ANK1: variants seen among roughly 807,000 people sequenced by gnomAD.
The protein encoded by ANK1 is ankyrin 1.
In ANK1, 51 loss-of-function variants were observed where a neutral mutation model predicts 210.4. That is an observed-to-expected ratio of 0.24 (90% CI 0.19 to 0.31). The LOEUF is 0.31. ANK1 is among the 10% of genes least tolerant of loss of function. The pLI, the probability that ANK1 is intolerant of heterozygous loss-of-function variation, is 1.00. For synonymous variants in ANK1, 967 were observed against 1,025.9 expected, an observed-to-expected ratio of 0.94 and a Z score of 1.10; for missense variants, 2,051 against 2,504.4, an observed-to-expected ratio of 0.82 and a Z score of 3.86.
At chr8:41,803,085 G>GGGAAGGAAAGGAAAGGAAAGGA (rs1563811160) in intron 1 of ANK1, among the ~76,000 whole-genome samples, 41 of 60,030 alleles carry the variant, frequency 6.8e-4, no homozygotes, top group Admixed American at 1.3e-3. Flanking sequence ...GGAAGGAAGG[G>GGGAAGGAAAGGAAAGGAAAGGA]AAGGAAAGGA....
At chr8:41,727,437 C>T (rs545113769) in intron 4 of ANK1, 89 bp from the exon 5 acceptor site, 39 of 921,862 alleles carry the variant, frequency 4.2e-5, no homozygotes, top group African/African-American at 2.3e-4. Flanking sequence ...TGGAGGACAG[C>T]GCTCTCTTCA....
chr8:41,719,732 C>T lies in ANK1; in HGVS notation c.1036G>A (p.Ala346Thr). The change falls in exon 10 of 43, where the codon GCC becomes ACC. Residue 346 changes from alanine (A) to threonine (T), a missense_variant. Physicochemically the swap from Ala to Thr is moderately conservative, Grantham distance 58. Coordinates refer to ENST00000289734, the MANE Select transcript of ANK1 (RefSeq NM_000037.4). ...LDHLTPLHVAAHCGHHRVAKV... is the reference protein window; with the variant it reads ...LDHLTPLHVATHCGHHRVAKV... Reference sequence around the variant, plus strand: ...GCCACCCTGTGGTGTCCACAGTGGGCAGCCACGTGGAGTGGGGTCAGGTGG... The same window carrying T: ...GCCACCCTGTGGTGTCCACAGTGGGTAGCCACGTGGAGTGGGGTCAGGTGG... 1 of 1,614,208 alleles carries T rather than the reference C, an allele frequency of 6.2e-7. No homozygotes were observed.
intron 1 of ANK1, among the ~76,000 whole-genome samples, chr8:41,868,215 C>A (rs1311158244): frequency 6.6e-6 from 1 of 152,220 alleles, no homozygotes; most frequent in Non-Finnish European, 1.5e-5. Flanking sequence ...GGTTTCTCAA[C>A]CTCAGCACTA....
chr8:41,763,635 C>T (rs374787376), intron 1 of ANK1, among the ~76,000 whole-genome samples: 5 of 152,162 alleles, frequency 3.3e-5, no homozygotes, highest in South Asian at 2.1e-4. Flanking sequence ...CTATATGCCT[C>T]GGCCGTTAAA....
At chr8:41,659,590 C>T (rs1485271495) in intron 42 of ANK1, among the ~76,000 whole-genome samples, 2 of 152,208 alleles carry the variant, frequency 1.3e-5, no homozygotes, top group Non-Finnish European at 2.9e-5. Flanking sequence ...TTCTCTGTAG[C>T]CTTTGCCCTG....
intron 1 of ANK1, among the ~76,000 whole-genome samples, chr8:41,867,550 C>G (rs1814700441): frequency 6.6e-6 from 1 of 152,190 alleles, no homozygotes. Context: ...AAGAGTCAAG[C>G]CCTGTTCCCT....
At chr8:41,684,509 C>T (rs200594972) in intron 37 of ANK1, 35 bp downstream of exon 37, 252 of 1,612,020 alleles carry the variant, frequency 1.6e-4, no homozygotes, top group East Asian at 1.5e-3. Flanking sequence ...GGCAGGGCTC[C>T]GGCTCAGTCC....
intron 1 of ANK1, among the ~76,000 whole-genome samples, chr8:41,870,349 C>T (rs1017245809): frequency 3.3e-5 from 5 of 152,230 alleles, no homozygotes; most frequent in East Asian, 1.9e-4. Context: ...AAAACAAGGC[C>T]GAGTCACCTT....
At chr8:41,742,619 A>G (rs560007771) in intron 2 of ANK1, among the ~76,000 whole-genome samples, 36 of 152,340 alleles carry the variant, frequency 2.4e-4, no homozygotes, top group Admixed American at 1.5e-3. Flanking sequence ...GGGAAACACA[A>G]ACTTTGCATC....
intron 27 of ANK1, 142 bp downstream of exon 27, chr8:41,695,035 C>A: frequency 8.2e-7 from 1 of 1,220,396 alleles, no homozygotes; most frequent in Non-Finnish European, 1.2e-6. Context: ...TCCTGGGGAC[C>A]CAGGGCTTGT....
At chr8:41,805,652 A>G (rs1397751875) in intron 1 of ANK1, among the ~76,000 whole-genome samples, 1 of 152,270 alleles carries the variant, frequency 6.6e-6, no homozygotes, top group African/African-American at 2.4e-5. Flanking sequence ...TCATTTGAAC[A>G]TAGCATAATA....
intron 7 of ANK1, among the ~76,000 whole-genome samples, chr8:41,724,084 G>A (rs563083837): frequency 9.2e-5 from 14 of 152,108 alleles, no homozygotes; most frequent in East Asian, 1.9e-4. Flanking sequence ...CACCGCGCCC[G>A]GCCTAAGACA....
At chr8:41,739,531 T>TC (rs201146526) in intron 2 of ANK1, among the ~76,000 whole-genome samples, 1 of 149,614 alleles carries the variant, frequency 6.7e-6, no homozygotes, top group Non-Finnish European at 1.5e-5. Context: ...CTTTTTTTTT[T>TC]TTTTTTTTGG....
At chr8:41,802,442 A>G (rs1050245743), upstream of ANK1, among the ~76,000 whole-genome samples, 1 of 152,290 alleles carries the variant, frequency 6.6e-6, no homozygotes, top group African/African-American at 2.4e-5. Context: ...TGTCATGTTC[A>G]TCGTTTATTA....
intron 1 of ANK1, among the ~76,000 whole-genome samples, chr8:41,853,486 G>T (rs184267692): frequency 6.6e-6 from 1 of 152,128 alleles, no homozygotes; most frequent in Non-Finnish European, 1.5e-5. Flanking sequence ...TTCTTCCTAC[G>T]GGTAATTTTT....
intron 1 of ANK1, among the ~76,000 whole-genome samples, chr8:41,885,573 A>G (rs1818324659): frequency 1.3e-5 from 2 of 152,206 alleles, no homozygotes; most frequent in African/African-American, 4.8e-5. Context: ...AGAGGAGACT[A>G]CTGGCTGGAT....
chr8:41,729,847 G>A (rs1283549537), intron 3 of ANK1, among the ~76,000 whole-genome samples: 1 of 152,116 alleles, frequency 6.6e-6, no homozygotes, highest in African/African-American at 2.4e-5. Flanking sequence ...ACTCCCCTGG[G>A]TGCCCTGCAC....
At chr8:41,873,231 C>T (rs1177259958) in intron 1 of ANK1, among the ~76,000 whole-genome samples, 10 of 152,212 alleles carry the variant, frequency 6.6e-5, no homozygotes, top group African/African-American at 2.4e-4. Flanking sequence ...AACCTTCATG[C>T]GATGTCATTA....
At chr8:41,657,871 T>C (rs140100749) in intron 42 of ANK1, among the ~76,000 whole-genome samples, 19 of 152,236 alleles carry the variant, frequency 1.2e-4, no homozygotes, top group African/African-American at 9.6e-5. Context: ...GAAAAGAGTC[T>C]CTTTCATTCT....
Sources: allele counts gnomAD v4.1 joint callset (sites outside exome capture counted in the v4.1 genomes callset), GRCh38; gene constraint gnomAD v4.1.1; transcripts MANE v1.5; gene names NCBI Gene and HGNC (gene_info 2026-07-23, HGNC 2026-07-21).